The following DTNA variants were observed in gnomAD, a reference collection of about 807,000 sequenced individuals.
DTNA encodes dystrobrevin alpha, also known as dystrophin-related protein 3.
In DTNA, 43 loss-of-function variants were observed where a neutral mutation model predicts 100.7. That is an observed-to-expected ratio of 0.43 (90% CI 0.33 to 0.55). The LOEUF is 0.55. DTNA is among the 20% of genes least tolerant of loss of function. DTNA has a pLI of 0.04. For missense variants in DTNA, 798 were observed against 953.9 expected (o/e 0.84, Z 2.15); for synonymous variants, 349 against 347.9 (o/e 1.00, Z -0.04).
At chr18:34,612,082 C>T (rs2054322097) in intron 1 of DTNA, among the ~76,000 whole-genome samples, 1 of 152,222 alleles carries the variant, frequency 6.6e-6, no homozygotes, top group South Asian at 2.1e-4. Context: ...ACACGGGCCA[C>T]CGCGCGTGAG....
intron 1 of DTNA, among the ~76,000 whole-genome samples, chr18:34,507,204 T>C (rs543367145): frequency 6.6e-6 from 1 of 152,224 alleles, no homozygotes; most frequent in African/African-American, 2.4e-5. Context: ...TTTCCCCCAC[T>C]CTCAGAGATG....
intron 1 of DTNA, among the ~76,000 whole-genome samples, chr18:34,605,361 A>G (rs568357930): frequency 2.0e-5 from 3 of 152,334 alleles, no homozygotes; most frequent in Admixed American, 2.0e-4. Context: ...TTTTTAAACA[A>G]GCTTTGCTTT....
chr18:34,659,746 T>TG (rs1305912313), intron 1 of DTNA, among the ~76,000 whole-genome samples: 51 of 152,286 alleles, frequency 3.3e-4, no homozygotes, highest in African/African-American at 1.2e-3. Flanking sequence ...CAGCCCTTTC[T>TG]GAAGGAGCAT....
intron 1 of DTNA, chr18:34,573,932 C>G (rs970838258): frequency 6.6e-6 from 1 of 152,290 alleles, no homozygotes; most frequent in Non-Finnish European, 1.5e-5. Context: ...AGGGAAGGTT[C>G]TTCGCTCATT....
chr18:34,636,050 C>T (rs1291277028), intron 1 of DTNA, among the ~76,000 whole-genome samples: 1 of 152,210 alleles, frequency 6.6e-6, no homozygotes, highest in African/African-American at 2.4e-5. Context: ...CGTGTGTGCA[C>T]ACAATATATT....
intron 13 of DTNA, among the ~76,000 whole-genome samples, chr18:34,845,908 G>A (rs1408832604): frequency 2.0e-5 from 3 of 152,078 alleles, no homozygotes; most frequent in African/African-American, 7.2e-5. Context: ...TAAACATTAT[G>A]TAAGCCGTAT....
intron 1 of DTNA, among the ~76,000 whole-genome samples, chr18:34,504,655 G>A (rs989512264): frequency 3.3e-5 from 5 of 152,120 alleles, no homozygotes; most frequent in African/African-American, 1.2e-4. Flanking sequence ...GAAATATGTT[G>A]TGTTACTTCC....
chr18:34,853,741 G>T (rs1238828401), intron 15 of DTNA, among the ~76,000 whole-genome samples: 1 of 151,920 alleles, frequency 6.6e-6, no homozygotes, highest in Non-Finnish European at 1.5e-5. Context: ...GAATTAAGAA[G>T]GGAAAGAGCA....
chr18:34,568,859 G>C (rs376449309), intron 1 of DTNA, among the ~76,000 whole-genome samples: 1 of 152,064 alleles, frequency 6.6e-6, no homozygotes, highest in Admixed American at 6.6e-5. Flanking sequence ...CAGGTGATCC[G>C]CCTGCCTTGG....
At chr18:34,595,824 G>A (rs571088658) in intron 1 of DTNA, among the ~76,000 whole-genome samples, 15 of 152,272 alleles carry the variant, frequency 9.9e-5, no homozygotes, top group South Asian at 4.1e-4. Context: ...ACCTGGGGGC[G>A]ATATCAGACC....
intron 1 of DTNA, among the ~76,000 whole-genome samples, chr18:34,526,869 A>G (rs999960570): frequency 6.6e-6 from 1 of 152,092 alleles, no homozygotes; most frequent in Non-Finnish European, 1.5e-5. Flanking sequence ...TAAAGCTGAA[A>G]CACATCATTT....
At chr18:34,516,051 G>A (rs538803797) in intron 1 of DTNA, among the ~76,000 whole-genome samples, 1 of 152,188 alleles carries the variant, frequency 6.6e-6, no homozygotes, top group East Asian at 1.9e-4. Context: ...AACTAATACA[G>A]TGAATCTCAG....
intron 1 of DTNA, among the ~76,000 whole-genome samples, chr18:34,503,076 A>G (rs935256923): frequency 6.6e-6 from 1 of 152,028 alleles, no homozygotes; most frequent in Non-Finnish European, 1.5e-5. Flanking sequence ...GTCTTCTGTT[A>G]TATTGACTTT....
intron 3 of DTNA, among the ~76,000 whole-genome samples, chr18:34,775,621 A>T (rs758098832): frequency 6.6e-6 from 1 of 152,290 alleles, no homozygotes; most frequent in Non-Finnish European, 1.5e-5. Context: ...AAAGTGCCAC[A>T]TGCTCAATCA....
Position 34,667,820 on chromosome 18 carries a change from G to T in DTNA, c.-1-88156G>T, listed in dbSNP as rs200887122. On this transcript the variant is annotated intron_variant, in intron 1 of 19. Coordinates refer to the DTNA transcript ENST00000283365. ...GCTTTTTGATGTGCTGCTGGATTTG[G>T]TTTGCCAGTATTTTATTGAGGATTT... 1.7e-3 allele frequency among the ~76,000 whole-genome samples: 256 copies of T among 152,306 alleles called. 2 individuals are homozygous for T. In the East Asian group the frequency reaches 0.044, roughly 26 times the overall value.
At chr18:34,766,430 C>CA (rs1035932908) in intron 3 of DTNA, among the ~76,000 whole-genome samples, 1 of 151,576 alleles carries the variant, frequency 6.6e-6, no homozygotes, top group Non-Finnish European at 1.5e-5. Flanking sequence ...ATCGCAAGGA[C>CA]AAAAAACCAA....
At chr18:34,762,183 A>G (rs2093216009) in intron 2 of DTNA, among the ~76,000 whole-genome samples, 1 of 152,214 alleles carries the variant, frequency 6.6e-6, no homozygotes, top group Non-Finnish European at 1.5e-5. Flanking sequence ...AAATTAAGTC[A>G]GCTAATACGC....
intron 1 of DTNA, among the ~76,000 whole-genome samples, chr18:34,713,697 G>A (rs1002317573): frequency 1.3e-5 from 2 of 151,956 alleles, no homozygotes; most frequent in Admixed American, 6.6e-5. Flanking sequence ...GATGGGGATG[G>A]CATTGAATCT....
chr18:34,880,144 A>C (rs768115499), intron 20 of DTNA, among the ~76,000 whole-genome samples: 12 of 152,260 alleles, frequency 7.9e-5, no homozygotes, highest in Non-Finnish European at 1.8e-4. Flanking sequence ...AAACAACATC[A>C]CATAAGTATT....
Sources: gnomAD v4.1 joint callset for allele counts (sites outside exome capture counted in the v4.1 genomes callset) on GRCh38, gnomAD v4.1.1 for gene constraint, MANE v1.5 for transcripts, NCBI Gene and HGNC (gene_info 2026-07-23, HGNC 2026-07-21) for gene names.